Variants in NAV2 observed in about 807,000 individuals in gnomAD.
NAV2 encodes the protein helicase, APC down-regulated 1.
In NAV2, 54 loss-of-function variants were observed where a neutral mutation model predicts 223.2. The ratio of observed to expected loss-of-function variants is 0.24; its 90% CI spans 0.19 to 0.30. The LOEUF (loss-of-function observed/expected upper bound fraction) is 0.30. Ranked by LOEUF, NAV2 falls within the 10% of genes least tolerant of loss-of-function variation. The pLI is 1.00. For synonymous variants in NAV2, 1,279 were observed against 1,239.3 expected (o/e 1.03, Z -0.67); for missense variants, 2,806 against 3,147.5 (o/e 0.89, Z 2.60).
chr11:19,636,752 G>A (rs2047514502), intron 1 of NAV2, among the ~76,000 whole-genome samples: 2 of 152,292 alleles, frequency 1.3e-5, no homozygotes, highest in African/African-American at 4.8e-5. Flanking sequence ...TTATAGGCGT[G>A]AGCCACCGCA....
intron 11 of NAV2, chr11:20,023,134 T>A (rs770841349): frequency 1.3e-6 from 2 of 1,551,688 alleles, no homozygotes; most frequent in Non-Finnish European, 8.7e-7. Context: ...CCTTACAAGG[T>A]AGGACGATTT....
chr11:19,549,840 C>A (rs1318034807), intron 1 of NAV2, among the ~76,000 whole-genome samples: 2 of 152,252 alleles, frequency 1.3e-5, no homozygotes, highest in Non-Finnish European at 2.9e-5. Flanking sequence ...GACCAGATGA[C>A]AAGAACGTTA....
At chr11:19,482,629 T>G (rs2042315363) in intron 1 of NAV2, among the ~76,000 whole-genome samples, 1 of 152,124 alleles carries the variant, frequency 6.6e-6, no homozygotes, top group Non-Finnish European at 1.5e-5. Context: ...CCCAATAGTC[T>G]TTGCAAGTCA....
rs143196639 is a variant in NAV2, at chr11:20,115,423, G to A, written c.7164+628G>A. ...GCCAAGGCGGGTGGATCGAGGTCAG[G>A]AGATCGAGACCATCCTGGCTAACAT... On this transcript the variant is annotated intron_variant, in intron 37 of 37. Coordinates refer to ENST00000349880, the MANE Select transcript of NAV2 (RefSeq NM_145117.5). Among the ~76,000 whole-genome samples, 548 of 152,070 alleles carry A rather than the reference G, an allele frequency of 3.6e-3. 1 individual carries two copies. Among genetic ancestry groups the A allele is most frequent in the Middle Eastern group, 6.8e-3 (2 of 294 alleles).
At chr11:19,724,525 T>C (rs912993269) in intron 1 of NAV2, among the ~76,000 whole-genome samples, 9 of 152,172 alleles carry the variant, frequency 5.9e-5, no homozygotes, top group African/African-American at 2.2e-4. Context: ...GAATGAGTGT[T>C]CTTAATTGCT....
chr11:19,405,865 G>A (rs1263520278), intron 1 of NAV2, among the ~76,000 whole-genome samples: 1 of 152,168 alleles, frequency 6.6e-6, no homozygotes, highest in Non-Finnish European at 1.5e-5. Flanking sequence ...TCTCCAAAAA[G>A]AGCCCTGTAA....
At chr11:20,104,594 C>T (rs919651446) in intron 34 of NAV2, 1 of 152,524 alleles carries the variant, frequency 6.6e-6, no homozygotes, top group Non-Finnish European at 1.5e-5. Flanking sequence ...AGTCCATCGT[C>T]CTCCTCTTTC....
chr11:20,044,102 G>A lies in NAV2; in HGVS notation c.3029G>A (p.Arg1010Gln), dbSNP rs201328207. ...IKMEPGSKWR[R>Q]NPSDVSDESD... ...ATGGAGCCAGGTTCCAAGTGGAGGCGGAATCCTTCTGATGTGTCTGACGAG... is the reference window on the plus strand; with the variant it reads ...ATGGAGCCAGGTTCCAAGTGGAGGCAGAATCCTTCTGATGTGTCTGACGAG... Residue 1010 changes from arginine (R) to glutamine (Q), a missense_variant, in exon 13 of 38, where the codon CGG becomes CAG. Arg to Gln is a conservative substitution (Grantham distance 43). This residue lies in a region of NAV2 where 742 missense variants were observed against 777.9 expected (regional missense o/e 0.95). Coordinates refer to ENST00000349880, the MANE Select transcript of NAV2 (RefSeq NM_145117.5). The A allele has an allele frequency of 7.9e-5, 128 of 1,614,188 alleles. No homozygotes were observed. The East Asian group carries it at 1.4e-3, about 17-fold the overall frequency.
intron 20 of NAV2, among the ~76,000 whole-genome samples, chr11:20,065,491 A>C (rs2058985300): frequency 6.6e-6 from 1 of 152,272 alleles, no homozygotes; most frequent in South Asian, 2.1e-4. Flanking sequence ...AAAATCTCAA[A>C]GGCCACTTCT....
At chr11:19,582,039 T>A (rs2045736021) in intron 1 of NAV2, among the ~76,000 whole-genome samples, 1 of 152,252 alleles carries the variant, frequency 6.6e-6, no homozygotes, top group Non-Finnish European at 1.5e-5. Context: ...GTTTCCTGAC[T>A]TTTTAATGAT....
rs141384242 is a variant in NAV2, at chr11:20,015,085, A to G, written c.2769-20874A>G. ...CACTCCTGCTGGGCAATAGTGAAACACTGTCTCAAAAAAGGTAGTTAATTA... is the reference window on the plus strand; with the variant it reads ...CACTCCTGCTGGGCAATAGTGAAACGCTGTCTCAAAAAAGGTAGTTAATTA... On this transcript the variant is annotated intron_variant, in intron 11 of 37. Transcript: ENST00000349880. Among the ~76,000 whole-genome samples the G allele has an allele frequency of 4.9e-3, 745 of 152,300 alleles. 3 individuals are homozygous for G. Among genetic ancestry groups the G allele is most frequent in the African/African-American group, 0.017 (720 of 41,572 alleles).
intron 11 of NAV2, chr11:20,027,208 A>G: frequency 1.1e-6 from 1 of 932,114 alleles, no homozygotes; most frequent in African/African-American, 1.8e-5. Context: ...TGGGAAATGT[A>G]GGTAGCCAAA....
intron 1 of NAV2, chr11:19,384,951 G>A (rs577345602): frequency 1.3e-5 from 2 of 152,060 alleles, no homozygotes; most frequent in African/African-American, 4.8e-5. Flanking sequence ...CCTGACAAAG[G>A]TTTCACATCC....
chr11:20,078,534 C>G (rs904807989), intron 24 of NAV2, among the ~76,000 whole-genome samples: 2 of 152,184 alleles, frequency 1.3e-5, no homozygotes, highest in Non-Finnish European at 2.9e-5. Context: ...TCTTGGCTCA[C>G]TGCAACCTCT....
At chr11:19,431,529 G>A (rs548172264) in intron 1 of NAV2, among the ~76,000 whole-genome samples, 103 of 152,268 alleles carry the variant, frequency 6.8e-4, no homozygotes, top group African/African-American at 2.4e-3. Flanking sequence ...CTGGAATTCT[G>A]TTGCACTAGA....
chr11:19,849,885 G>C (rs2152971394), intron 3 of NAV2, among the ~76,000 whole-genome samples: 1 of 152,282 alleles, frequency 6.6e-6, no homozygotes, highest in African/African-American at 2.4e-5. Flanking sequence ...GTCTTTCAAA[G>C]GTGGCAACAA....
chr11:19,873,507 T>A (rs1371080818), intron 4 of NAV2, among the ~76,000 whole-genome samples: 1 of 152,132 alleles, frequency 6.6e-6, no homozygotes, highest in African/African-American at 2.4e-5. Context: ...AGTAGGAACA[T>A]CCTTCCAGGT....
intron 11 of NAV2, among the ~76,000 whole-genome samples, chr11:20,034,290 A>T (rs556957777): frequency 2.6e-5 from 4 of 151,294 alleles, no homozygotes; most frequent in African/African-American, 9.7e-5. Context: ...TGTCACACTG[A>T]TCTTGGAATT....
At chr11:19,696,185 T>A (rs995021251) in intron 1 of NAV2, among the ~76,000 whole-genome samples, 13 of 152,050 alleles carry the variant, frequency 8.5e-5, no homozygotes, top group African/African-American at 3.1e-4. Flanking sequence ...ATAAAAAAAA[T>A]AAACTGGCTT....
Sources: gnomAD v4.1 joint callset for allele counts (sites outside exome capture counted in the v4.1 genomes callset) on GRCh38, gnomAD v4.1.1 for gene constraint, gnomAD v4.1.1 regional missense constraint, MANE v1.5 for transcripts, NCBI Gene and HGNC (gene_info 2026-07-23, HGNC 2026-07-21) for gene names.